Variants in INTS8 observed in about 807,000 individuals in gnomAD.
INTS8 encodes the protein integrator complex subunit 8, also known as protein kaonashi-1.
A neutral mutation model predicts 138.9 loss-of-function variants in INTS8; 47 were observed. The ratio of observed to expected loss-of-function variants is 0.34; its 90% confidence interval spans 0.27 to 0.43. INTS8 has a LOEUF of 0.43. INTS8 is among the 20% of genes least tolerant of loss of function. The pLI is 1.00. For synonymous variants in INTS8, 392 were observed against 400.9 expected (o/e 0.98, Z 0.27); for missense variants, 996 against 1,173.0 (o/e 0.85, Z 2.20).
chr8:94,849,557 C>A, intron 11 of INTS8, 25 bp downstream of exon 11: 3 of 1,115,404 alleles, frequency 2.7e-6, no homozygotes, highest in Non-Finnish European at 3.8e-6. Context: ...TTTCTTTTTT[C>A]TTTTTTTTTT....
At chr8:94,865,798 G>A in intron 17 of INTS8, 108 bp downstream of exon 17, 1 of 1,036,020 alleles carries the variant, frequency 9.7e-7, no homozygotes, top group Non-Finnish European at 1.4e-6. Context: ...CTTTTATTCT[G>A]TATATCATAA....
chr8:94,823,596 C>T (rs1207881281), intron 1 of INTS8, 35 bp downstream of exon 1: 2 of 1,472,014 alleles, frequency 1.4e-6, no homozygotes, highest in African/African-American at 1.4e-5. Flanking sequence ...GAGCGGGACC[C>T]GGCCACCGGC....
intron 15 of INTS8, among the ~76,000 whole-genome samples, chr8:94,858,173 T>C (rs1815822818): frequency 6.6e-6 from 1 of 152,244 alleles, no homozygotes; most frequent in Non-Finnish European, 1.5e-5. Flanking sequence ...TTTAGAGCAA[T>C]TAAATCATAC....
chr8:94,827,455 A>G (rs375467035), intron 3 of INTS8, 52 bp downstream of exon 3: 41 of 1,579,750 alleles, frequency 2.6e-5, no homozygotes, highest in Admixed American at 1.0e-4. Flanking sequence ...GTTTTATTGC[A>G]CTGTGGCTTT....
intron 10 of INTS8, among the ~76,000 whole-genome samples, chr8:94,846,892 A>G (rs1356849471): frequency 6.6e-6 from 1 of 152,204 alleles, no homozygotes; most frequent in East Asian, 1.9e-4. Flanking sequence ...GATAAAGTAT[A>G]ATTGATTTTC....
At chr8:94,857,612 ACT>A (rs1815800183) in intron 15 of INTS8, among the ~76,000 whole-genome samples, 1 of 151,682 alleles carries the variant, frequency 6.6e-6, no homozygotes. Context: ...TCCAAGAAAG[ACT>A]CTTTCCTTGC....
chr8:94,870,805 G>A (rs1170324468), intron 20 of INTS8, among the ~76,000 whole-genome samples: 1 of 152,256 alleles, frequency 6.6e-6, no homozygotes, highest in East Asian at 1.9e-4. Flanking sequence ...AGAGCCATGC[G>A]TCTGAATCCA....
chr8:94,853,183 G>T (rs1417532728), intron 13 of INTS8, among the ~76,000 whole-genome samples: 1 of 151,954 alleles, frequency 6.6e-6, no homozygotes, highest in Non-Finnish European at 1.5e-5. Flanking sequence ...ATGGTGGCGC[G>T]CACCTGTATT....
Position 94,876,434 on chromosome 8 carries a change from C to G in INTS8, c.2828-12C>G, listed in dbSNP as rs1327218854. 1 of 1,513,012 alleles carries G rather than the reference C, an allele frequency of 6.6e-7. No homozygotes were observed. Among genetic ancestry groups the G allele is most frequent in the Non-Finnish European group, 9.1e-7 (1 of 1,098,972 alleles). The allele number at this position is 1,513,012 out of a possible 1,614,324, so 93.7% of individuals were successfully genotyped here. A position where few individuals can be genotyped will look rare whatever the true frequency, so the allele number is the denominator to read the frequency against. On this transcript the variant is annotated splice_polypyrimidine_tract_variant and intron_variant, in intron 25 of 26. Coordinates refer to ENST00000523731, the MANE Select transcript of INTS8 (RefSeq NM_017864.4). Reference sequence around the variant, plus strand: ...ATACTATCAGATTTATTTTCCTTAACTGATTCATTAGATCTTCATCATAAA... The same window carrying G: ...ATACTATCAGATTTATTTTCCTTAAGTGATTCATTAGATCTTCATCATAAA...
At chr8:94,862,675 A>G (rs573992598) in intron 16 of INTS8, among the ~76,000 whole-genome samples, 2 of 152,202 alleles carry the variant, frequency 1.3e-5, no homozygotes, top group Non-Finnish European at 2.9e-5. Flanking sequence ...ATGTCTCTTC[A>G]TATGTCATCT....
intron 8 of INTS8, among the ~76,000 whole-genome samples, chr8:94,838,864 T>C (rs1372077318): frequency 6.6e-6 from 1 of 152,218 alleles, no homozygotes; most frequent in East Asian, 1.9e-4. Context: ...ATTGCTGTTA[T>C]CTTAAAGGTA....
At position 94,825,148 on chromosome 8, in the gene INTS8, CG is replaced by C. The variant is rs1814443715; in HGVS notation, c.305+83del. 2.9e-6 allele frequency: 3 copies of C among 1,026,808 alleles called. No individual in the cohort carries two copies. In the South Asian group the frequency reaches 4.5e-5, roughly 15 times the overall value. 63.6% of individuals were successfully genotyped at this position (1,026,808 alleles called of 1,614,324 possible). On this transcript the variant is annotated intron_variant, in intron 2 of 26. Coordinates refer to ENST00000523731, the MANE Select transcript of INTS8 (RefSeq NM_017864.4). ...ATTTCTATATATGCTTTTATGATAT[CG>C]GCTCTTAAAAATTACGTGCTGGGCG...
chr8:94,840,532 T>A (rs562653874), intron 8 of INTS8, among the ~76,000 whole-genome samples: 1 of 151,112 alleles, frequency 6.6e-6, no homozygotes, highest in South Asian at 2.1e-4. Flanking sequence ...CTTGTTAGCA[T>A]GTTTTTTCAG....
rs776027359 is a variant in INTS8, at chr8:94,880,151, A to T, written c.2905A>T (p.Ser969Cys). The T allele has an allele frequency of 1.9e-6, 3 of 1,612,036 alleles. No individual in the cohort carries two copies. The highest frequency in any genetic ancestry group is 2.5e-6 in the Non-Finnish European group (3 of 1,179,398). ...KAIGQTELNA[S>C]NPEEVLQLAA... ...CATCGGCCAGACAGAGTTGAATGCA[A>T]GCAATCCAGAAGAAGTGTTACAGCT... The change falls in exon 27 of 27, where the codon AGC becomes TGC. Residue 969 changes from serine (S) to cysteine (C), a missense_variant. Physicochemically the swap from Ser to Cys is moderately radical, Grantham distance 112. Coordinates refer to ENST00000523731, the MANE Select transcript of INTS8 (RefSeq NM_017864.4).
intron 14 of INTS8, among the ~76,000 whole-genome samples, chr8:94,856,459 G>A (rs1408027831): frequency 7.2e-5 from 11 of 152,154 alleles, no homozygotes; most frequent in Non-Finnish European, 1.0e-4. Flanking sequence ...TATGTTGGAT[G>A]GAGGAGGGTG....
Position 94,856,889 on chromosome 8 carries a change from C to T in INTS8, c.1865C>T (p.Thr622Ile), listed in dbSNP as rs574153775. 3 of 1,614,098 alleles carry T rather than the reference C, an allele frequency of 1.9e-6. No individual in the cohort carries two copies. In the Admixed American group the frequency reaches 5.0e-5, roughly 27 times the overall value. Residue 622 changes from threonine to isoleucine, a missense_variant, in exon 15 of 27, where the codon ACA (threonine) becomes ATA (isoleucine). Transcript: ENST00000523731. ...GAGATGTTGCTTTTGGATATTCATA[C>T]ACACGAAGCTGGGACAGGGCAGGCA... ...LNEMLLLDIH[T>I]HEAGTGQAGE...
intron 10 of INTS8, among the ~76,000 whole-genome samples, chr8:94,849,140 T>C (rs1173986459): frequency 6.6e-6 from 1 of 152,188 alleles, no homozygotes; most frequent in Admixed American, 6.6e-5. Context: ...TGACAGGAGC[T>C]ACTGATTTCT....
intron 20 of INTS8, 100 bp downstream of exon 20, chr8:94,867,437 G>A: frequency 1.3e-6 from 1 of 783,266 alleles, no homozygotes; most frequent in Admixed American, 2.5e-5. Flanking sequence ...TAAAGGGCCA[G>A]AAATCTAAGA....
intron 8 of INTS8, among the ~76,000 whole-genome samples, chr8:94,839,786 C>T (rs1430628581): frequency 1.3e-5 from 2 of 152,188 alleles, no homozygotes; most frequent in African/African-American, 4.8e-5. Flanking sequence ...AATCCCAGCA[C>T]TTGGGAGGCC....
Sources: gnomAD v4.1 joint callset for allele counts (sites outside exome capture counted in the v4.1 genomes callset) on GRCh38, gnomAD v4.1.1 for gene constraint, MANE v1.5 for transcripts, NCBI Gene and HGNC (gene_info 2026-07-23, HGNC 2026-07-21) for gene names.